The following CMTM4 variants were observed in gnomAD, a reference collection of about 807,000 sequenced individuals.
The protein encoded by CMTM4 is CKLF-like MARVEL transmembrane domain-containing protein 4.
A neutral mutation model predicts 19.0 loss-of-function variants in CMTM4; 8 were observed. The ratio of observed to expected loss-of-function variants is 0.42; its 90% CI spans 0.25 to 0.76. The LOEUF (loss-of-function observed/expected upper bound fraction) is 0.76. CMTM4 is among the 30% of genes least tolerant of loss of function. The pLI, the probability that CMTM4 is intolerant of heterozygous loss-of-function variation, is 0.27. For synonymous variants in CMTM4, 106 were observed against 121.1 expected (o/e 0.88, Z 0.82); for missense variants, 228 against 290.2 (o/e 0.79, Z 1.56).
chr16:66,631,418 G>A (rs911542518), intron 2 of CMTM4, among the ~76,000 whole-genome samples: 20 of 151,658 alleles, frequency 1.3e-4, no homozygotes, highest in African/African-American at 7.3e-5. Flanking sequence ...CCACCACCCC[G>A]TCAGGGAGGT....
intron 1 of CMTM4, among the ~76,000 whole-genome samples, chr16:66,671,864 T>TA (rs2016713589): frequency 6.6e-6 from 1 of 150,836 alleles, no homozygotes; most frequent in East Asian, 2.0e-4. Flanking sequence ...AAAAAAATAT[T>TA]TAAAAAAAAA....
At chr16:66,630,207 G>A (rs559878902) in intron 2 of CMTM4, among the ~76,000 whole-genome samples, 1 of 151,718 alleles carries the variant, frequency 6.6e-6, no homozygotes, top group Non-Finnish European at 1.5e-5. Context: ...TAAACACCCA[G>A]TCAGTGTCAA....
intron 1 of CMTM4, among the ~76,000 whole-genome samples, chr16:66,691,784 A>G (rs2017140702): frequency 6.6e-6 from 1 of 152,224 alleles, no homozygotes; most frequent in African/African-American, 2.4e-5. Context: ...GTATCCAATC[A>G]CATTCCATTA....
At position 66,620,035 on chromosome 16, in the gene CMTM4, T is replaced by C. The variant is rs1463616051; in HGVS notation, c.*2023A>G. 3 of 985,306 alleles carry C rather than the reference T, an allele frequency of 3.0e-6. No individual in the cohort carries two copies. Among genetic ancestry groups the C allele is most frequent in the East Asian group, 1.1e-4 (1 of 8,812 alleles). 61.0% of individuals were successfully genotyped at this position (985,306 alleles called of 1,614,324 possible). A position where few individuals can be genotyped will look rare whatever the true frequency, so the allele number is the denominator to read the frequency against. On this transcript the variant is annotated 3_prime_UTR_variant, in exon 4 of 4. Transcript: ENST00000394106. ...ATCAAGTGGTTTTACTGAAGTGAGC[T>C]GGGAAAACTTGGGCAACAAGCCCAC...
intron 1 of CMTM4, among the ~76,000 whole-genome samples, chr16:66,695,090 T>C (rs1277307015): frequency 6.6e-6 from 1 of 152,192 alleles, no homozygotes. Context: ...CTCATGCCTG[T>C]AATCCCAGCA....
At chr16:66,639,834 A>G (rs1180623817) in intron 1 of CMTM4, among the ~76,000 whole-genome samples, 2 of 152,150 alleles carry the variant, frequency 1.3e-5, no homozygotes, top group Admixed American at 6.5e-5. Flanking sequence ...CATGGCCAAC[A>G]TGACAAAACT....
intron 1 of CMTM4, among the ~76,000 whole-genome samples, chr16:66,655,130 C>T (rs940756593): frequency 1.3e-5 from 2 of 152,096 alleles, no homozygotes; most frequent in African/African-American, 2.4e-5. Flanking sequence ...ACCACAGGCA[C>T]ACACCACCAT....
At chr16:66,674,989 C>T (rs774280095) in intron 1 of CMTM4, among the ~76,000 whole-genome samples, 6 of 151,762 alleles carry the variant, frequency 4.0e-5, no homozygotes, top group Non-Finnish European at 7.4e-5. Context: ...GTGATCCACC[C>T]GCCTCGGCCT....
chr16:66,651,575 A>G (rs1016506191), intron 1 of CMTM4, among the ~76,000 whole-genome samples: 6 of 152,132 alleles, frequency 3.9e-5, no homozygotes, highest in African/African-American at 1.4e-4. Flanking sequence ...ATTCTCCTAG[A>G]TAAGATGCCT....
At chr16:66,695,253 G>A (rs72790501) in intron 1 of CMTM4, among the ~76,000 whole-genome samples, 5,502 of 152,238 alleles carry the variant, frequency 0.036, 196 homozygotes, top group East Asian at 0.15. Context: ...AAGCTGAGGT[G>A]AGAAGATCGC....
chr16:66,692,975 G>A (rs905278010), intron 1 of CMTM4, among the ~76,000 whole-genome samples: 1 of 151,556 alleles, frequency 6.6e-6, no homozygotes, highest in African/African-American at 2.4e-5. Flanking sequence ...TATAATCCCA[G>A]CACTTTGGGA....
chr16:66,675,958 C>A (rs919634776), intron 1 of CMTM4, among the ~76,000 whole-genome samples: 6 of 151,928 alleles, frequency 3.9e-5, no homozygotes, highest in African/African-American at 1.5e-4. Context: ...TCCCAGTCTC[C>A]TCGTACTCTT....
chr16:66,608,591 G>T, the CMTM4 span: 2 of 893,216 alleles, frequency 2.2e-6, no homozygotes, highest in Non-Finnish European at 3.4e-6. This position sits in a 1 kb window ranked among gnomAD's most constrained non-coding sequence, Gnocchi z 5.1. Context: ...GTTAGAACTG[G>T]ATGGAGAGAC....
At chr16:66,659,946 C>T (rs1379691450) in intron 1 of CMTM4, among the ~76,000 whole-genome samples, 2 of 151,992 alleles carry the variant, frequency 1.3e-5, no homozygotes, top group African/African-American at 4.8e-5. Flanking sequence ...ATATCCAGAA[C>T]ATACAAAAAA....
intron 2 of CMTM4, among the ~76,000 whole-genome samples, chr16:66,628,655 TA>T (rs2144793690): frequency 6.6e-6 from 1 of 152,314 alleles, no homozygotes; most frequent in East Asian, 1.9e-4. Flanking sequence ...TTGTTCAAGG[TA>T]CAGGTAAAAA....
At chr16:66,685,974 G>C (rs1228052491) in intron 1 of CMTM4, among the ~76,000 whole-genome samples, 2 of 152,156 alleles carry the variant, frequency 1.3e-5, no homozygotes, top group East Asian at 3.9e-4. Context: ...AAGTTCTGGA[G>C]CCGGGCATGG....
downstream of CMTM4, chr16:66,609,805 T>G (rs752608577): frequency 5.6e-6 from 9 of 1,613,958 alleles, no homozygotes; most frequent in South Asian, 8.8e-5. The surrounding 1 kb of genome is among the most constrained non-coding windows in gnomAD (Gnocchi z 4.4). Flanking sequence ...AGATCTGAAA[T>G]GGGCCGTGAG....
At chr16:66,637,225 A>C (rs1596918952) in intron 1 of CMTM4, among the ~76,000 whole-genome samples, 1 of 152,216 alleles carries the variant, frequency 6.6e-6, no homozygotes, top group African/African-American at 2.4e-5. Context: ...CTTATTAAAA[A>C]ACATTAAGAA....
chr16:66,601,374 T>C, the CMTM4 span, among the ~76,000 whole-genome samples: 1 of 152,012 alleles, frequency 6.6e-6, no homozygotes, highest in African/African-American at 2.4e-5. Flanking sequence ...TCCCGTTGAG[T>C]GTTCAGCTCT....
Sources: gnomAD v4.1 joint callset for allele counts (sites outside exome capture counted in the v4.1 genomes callset) on GRCh38, gnomAD v4.1.1 for gene constraint, Gnocchi (gnomAD v3.1) non-coding constraint, MANE v1.5 for transcripts, NCBI Gene and HGNC (gene_info 2026-07-23, HGNC 2026-07-21) for gene names.